The following DNAJC16 variants were observed in gnomAD, a reference collection of about 807,000 sequenced individuals.
DNAJC16 encodes dnaJ homolog subfamily C member 16.
DNAJC16 carries 76 observed loss-of-function variants against 92.7 expected under a neutral mutation model. The observed-to-expected ratio is 0.82, with a 90% CI of 0.68 to 0.99. The LOEUF (loss-of-function observed/expected upper bound fraction) is 0.99, where lower values mean the gene tolerates loss of function less well. DNAJC16 is among the 50% of genes least tolerant of loss of function. DNAJC16 has a pLI of 0.00. For missense variants in DNAJC16, 869 were observed against 942.4 expected, an observed-to-expected ratio of 0.92 and a Z score of 1.02; for synonymous variants, 328 against 358.7, an observed-to-expected ratio of 0.91 and a Z score of 0.97.
At position 15,558,240 on chromosome 1, in the gene DNAJC16, G is replaced by A. The variant is rs146168788; in HGVS notation, c.1024-1286G>A. ...CTGTCACACAGGCTAGAGTCCAGTGGTGTGATCCTAGCTCACTGCAGTCTC... is the reference window on the plus strand; with the variant it reads ...CTGTCACACAGGCTAGAGTCCAGTGATGTGATCCTAGCTCACTGCAGTCTC... On this transcript the variant is annotated intron_variant, in intron 7 of 14. Coordinates refer to ENST00000375847, the MANE Select transcript of DNAJC16 (RefSeq NM_015291.4). Among the ~76,000 whole-genome samples the A allele has an allele frequency of 5.0e-3, 741 of 147,690 alleles. 1 individual carries two copies. Among genetic ancestry groups the A allele is most frequent in the Non-Finnish European group, 9.1e-3 (616 of 67,372 alleles).
At chr1:15,538,542 ACT>A (rs1267741183) in intron 4 of DNAJC16, among the ~76,000 whole-genome samples, 8 of 151,222 alleles carry the variant, frequency 5.3e-5, no homozygotes, top group East Asian at 2.0e-4. Flanking sequence ...AAATGCTGAA[ACT>A]CTGTCTCTAG....
In DNAJC16 at chr1:15,563,986, G is replaced by T. The variant is rs566558561; in HGVS notation, c.1396G>T (p.Asp466Tyr). The T allele has an allele frequency of 6.2e-7, 1 of 1,614,200 alleles. No homozygotes were observed. The highest frequency in any genetic ancestry group is 8.5e-7 in the Non-Finnish European group (1 of 1,180,038). ...AGRVVYKTLEDPWIGSESDKF... is the reference protein window; with the variant it reads ...AGRVVYKTLEYPWIGSESDKF... ...AAGGGTGGTGTATAAAACCCTGGAA[G>T]ACCCTTGGATTGGGAGTGAGAGTGA... The change falls in exon 10 of 15, where the codon GAC (aspartate) becomes TAC (tyrosine). Residue 466 changes from aspartate (D) to tyrosine (Y), a missense_variant. By Grantham distance (160) the Asp-to-Tyr change is radical (BLOSUM62 -3). Coordinates refer to ENST00000375847, the MANE Select transcript of DNAJC16 (RefSeq NM_015291.4).
At chr1:15,529,594 C>CATTATATGATACATGGGATA (rs1710606704) in intron 2 of DNAJC16, among the ~76,000 whole-genome samples, 1 of 152,046 alleles carries the variant, frequency 6.6e-6, no homozygotes, top group East Asian at 1.9e-4. Context: ...GGATATGCTA[C>CATTATATGATACATGGGATA]CCTTCCCATG....
chr1:15,564,453 G>C, intron 11 of DNAJC16, 94 bp downstream of exon 11: 2 of 879,900 alleles, frequency 2.3e-6, no homozygotes, highest in South Asian at 2.8e-5. Context: ...TAAATTTCAA[G>C]GTACACTTGA....
chr1:15,545,207 A>G (rs1638269394), intron 5 of DNAJC16, among the ~76,000 whole-genome samples: 1 of 152,210 alleles, frequency 6.6e-6, no homozygotes, highest in South Asian at 2.1e-4. Context: ...GATCAAAGTA[A>G]CTAGGAACGG....
rs1557592033 is a variant in DNAJC16 at position 15,569,277 on chromosome 1, C to A, written c.*1100C>A. 1 of 152,264 alleles carries A rather than the reference C, an allele frequency of 6.6e-6. No individual in the cohort carries two copies. Among genetic ancestry groups the A allele is most frequent in the Non-Finnish European group, 1.5e-5 (1 of 68,024 alleles). The allele number at this position is 152,264 out of a possible 1,614,324, so 9.4% of individuals were successfully genotyped here. On this transcript the variant is annotated 3_prime_UTR_variant, in exon 15 of 15. Transcript: ENST00000375847. ...AAGTCATCTTTTGCAGGAAGTGAGC[C>A]AAGATTTGTTCTAGACTCCCATTTT...
At position 15,559,589 on chromosome 1, in the gene DNAJC16, G is replaced by C. The variant is rs757620971; in HGVS notation, c.1087G>C (p.Ala363Pro). The stretch of plus-strand genomic sequence containing the variant: ...CACCCGAAACAAATATCTATTGGCA[G>C]CCAGGCTCACCAGCCAGAAGTTGTT... ...FITRNKYLLA[A>P]RLTSQKLFHE... The change falls in exon 8 of 15, where the codon GCC (alanine) becomes CCC (proline). Residue 363 changes from alanine to proline, a missense_variant. Transcript: ENST00000375847. 1.2e-6 allele frequency: 2 copies of C among 1,614,178 alleles called. No individual in the cohort carries two copies. The highest frequency in any genetic ancestry group is 4.5e-5 in the East Asian group (2 of 44,880).
intron 5 of DNAJC16, among the ~76,000 whole-genome samples, chr1:15,546,215 G>C (rs1257444077): frequency 6.6e-6 from 1 of 152,168 alleles, no homozygotes; most frequent in Non-Finnish European, 1.5e-5. Flanking sequence ...TGAGGTGGGA[G>C]GATCACTTGA....
intron 5 of DNAJC16, among the ~76,000 whole-genome samples, chr1:15,545,106 G>A (rs1461484420): frequency 6.6e-6 from 1 of 152,110 alleles, no homozygotes; most frequent in Admixed American, 6.6e-5. Flanking sequence ...CAAAGAAAAG[G>A]TTGAAATAGA....
intron 5 of DNAJC16, among the ~76,000 whole-genome samples, chr1:15,545,319 C>T (rs1638271409): frequency 6.6e-6 from 1 of 152,044 alleles, no homozygotes; most frequent in Non-Finnish European, 1.5e-5. Flanking sequence ...CTAGACTGTC[C>T]TACTGGGATC....
At position 15,564,296 on chromosome 1, in the gene DNAJC16, G is replaced by C. The variant is rs753607084; in HGVS notation, c.1535G>C (p.Arg512Pro). 4 of 1,609,396 alleles carry C rather than the reference G, an allele frequency of 2.5e-6. No homozygotes were observed. The highest frequency in any genetic ancestry group is 1.7e-6 in the Non-Finnish European group (2 of 1,175,682). ...CTCTCTACATAGGTTTTTCTCCTTC[G>C]ATGGTTCTACTCTGCTTCTGACTAC... ...TDELAPVFLL[R>P]WFYSASDYIS... is the part of the protein sequence containing the mutation. The change falls in exon 11 of 15, where the codon CGA (arginine) becomes CCA (proline). Residue 512 changes from arginine to proline, a missense_variant. Transcript: ENST00000375847.
At position 15,568,678 on chromosome 1, in the gene DNAJC16, C is replaced by A. The variant is rs1055519333; in HGVS notation, c.*501C>A. 7 of 399,098 alleles carry A rather than the reference C, an allele frequency of 1.8e-5. No individual in the cohort carries two copies. The highest frequency in any genetic ancestry group is 2.6e-5 in the Non-Finnish European group (6 of 226,542). The allele number at this position is 399,098 out of a possible 1,614,324, so 24.7% of individuals were successfully genotyped here. A position where few individuals can be genotyped will look rare whatever the true frequency, so the allele number is the denominator to read the frequency against. ...TTCTAGCCCCGCATCTGGAAAAAGGCCCCTTTCCAAGCAATCTCACGTTTA... is the reference window on the plus strand; with the variant it reads ...TTCTAGCCCCGCATCTGGAAAAAGGACCCTTTCCAAGCAATCTCACGTTTA... On this transcript the variant is annotated 3_prime_UTR_variant, in exon 15 of 15. Transcript: ENST00000375847.
In DNAJC16 at chr1:15,571,478, G is replaced by A. The variant is rs1234803922; in HGVS notation, c.*3301G>A. The A allele has an allele frequency of 2.0e-5, 3 of 152,612 alleles. No homozygotes were observed. The highest frequency in any genetic ancestry group is 4.4e-5 in the Non-Finnish European group (3 of 68,042). 9.5% of individuals were successfully genotyped at this position (152,612 alleles called of 1,614,324 possible). A position where few individuals can be genotyped will look rare whatever the true frequency, so the allele number is the denominator to read the frequency against. On this transcript the variant is annotated 3_prime_UTR_variant, in exon 15 of 15. Transcript: ENST00000375847. ...TGTCCCCTAAAAACAAGTGCAGTGT[G>A]GCAGCTGCTGAATCTGTCTGTTCAG...
At chr1:15,567,021 C>A (rs989264359) in intron 13 of DNAJC16, 78 bp from the exon 14 acceptor site, 56 of 1,382,464 alleles carry the variant, frequency 4.1e-5, no homozygotes, top group Non-Finnish European at 5.3e-5. Context: ...ATAGCATTTT[C>A]TTTCAGCTGT....
chr1:15,541,541 G>A (rs1441383123), intron 4 of DNAJC16, among the ~76,000 whole-genome samples: 1 of 152,148 alleles, frequency 6.6e-6, no homozygotes, highest in African/African-American at 2.4e-5. Context: ...GCCCTTGAGA[G>A]ACTGCAACAG....
chr1:15,548,833 A>C (rs558989838), intron 7 of DNAJC16, among the ~76,000 whole-genome samples: 2 of 152,188 alleles, frequency 1.3e-5, no homozygotes, highest in Non-Finnish European at 2.9e-5. Flanking sequence ...ACTTGACTCT[A>C]AATTTTATGT....
Position 15,568,574 on chromosome 1 carries a change from A to C in DNAJC16, c.*397A>C. On this transcript the variant is annotated 3_prime_UTR_variant, in exon 15 of 15. Transcript: ENST00000375847. ...ATGAGCCTGTCGTGCAGGCCAGGTC[A>C]TTGGCCCCTTCCCCAATCCCGGCCC... 1 of 409,940 alleles carries C rather than the reference A, an allele frequency of 2.4e-6. No individual in the cohort carries two copies. The highest frequency in any genetic ancestry group is 4.3e-6 in the Non-Finnish European group (1 of 232,644). 25.4% of individuals were successfully genotyped at this position (409,940 alleles called of 1,614,324 possible).
chr1:15,548,206 C>A, intron 6 of DNAJC16, 64 bp from the exon 7 acceptor site: 1 of 1,552,960 alleles, frequency 6.4e-7, no homozygotes. Context: ...AAAAGCCCTA[C>A]TTGATTTGTC....
At position 15,545,931 on chromosome 1, in the gene DNAJC16, T is replaced by C. The variant is rs1022702509; in HGVS notation, c.760-836T>C. Among the ~76,000 whole-genome samples, 17 of 152,330 alleles carry C rather than the reference T, an allele frequency of 1.1e-4. 1 individual carries two copies. Among genetic ancestry groups the C allele is most frequent in the African/African-American group, 4.1e-4 (17 of 41,564 alleles). Reference sequence around the variant, plus strand: ...ATTTTAAGATATCAGTGGAGGAAAGTAACAATTCAGATAACAATAAATGAA... The same window carrying C: ...ATTTTAAGATATCAGTGGAGGAAAGCAACAATTCAGATAACAATAAATGAA... On this transcript the variant is annotated intron_variant, in intron 5 of 14. Coordinates refer to ENST00000375847, the MANE Select transcript of DNAJC16 (RefSeq NM_015291.4).
Sources: allele counts gnomAD v4.1 joint callset (sites outside exome capture counted in the v4.1 genomes callset), GRCh38; gene constraint gnomAD v4.1.1; transcripts MANE v1.5; gene names NCBI Gene and HGNC (gene_info 2026-07-23, HGNC 2026-07-21).